ADH7: variants seen among roughly 807,000 people sequenced by gnomAD.
The protein encoded by ADH7 is alcohol dehydrogenase 7 (class IV), mu or sigma polypeptide, also known as all-trans-retinol dehydrogenase [NAD(+)] ADH7.
A neutral mutation model predicts 34.4 loss-of-function variants in ADH7; 41 were observed. The ratio of observed to expected loss-of-function variants is 1.19; its 90% CI spans 0.93 to 1.55. The LOEUF (loss-of-function observed/expected upper bound fraction) is 1.55. Ranked by LOEUF, ADH7 falls within the 40% of genes most tolerant of loss-of-function variation. The probability of loss-of-function intolerance (pLI) is 0.00; values close to 1 mark genes in which losing one functional copy is unlikely to be tolerated. For synonymous variants in ADH7, 180 were observed against 160.9 expected (o/e 1.12, Z -0.90); for missense variants, 540 against 461.2 (o/e 1.17, Z -1.56).
Position 99,415,922 on chromosome 4 carries a change from T to C in ADH7, c.962-306A>G, listed in dbSNP as rs189863196. ...TCACTCGTAAGTGGGAGTTGAACAA[T>C]GAGAACACATGGACACAGGGAGGGG... On this transcript the variant is annotated intron_variant, in intron 7 of 8. Transcript: ENST00000437033. 1.8e-4 allele frequency: 35 copies of C among 196,436 alleles called. No homozygotes were observed. In the East Asian group the frequency reaches 4.3e-3, roughly 24 times the overall value. The allele number at this position is 196,436 out of a possible 1,614,324, so 12.2% of individuals were successfully genotyped here.
Position 99,413,149 on chromosome 4 carries a change from C to CA in ADH7, c.1123dup (p.Ter375LeufsTer20), listed in dbSNP as rs1560558734. On this transcript the variant is annotated frameshift_variant and stop_lost, in exon 9 of 9. Coordinates refer to ENST00000437033, the MANE Select transcript of ADH7 (RefSeq NM_000673.7). LOFTEE classifies it high-confidence loss of function. ...ACAGACCTCCTGCCACTTTGGATCTCAAAACGTCAGGACCGTTCGAATGCT... is the reference window on the plus strand; with the variant it reads ...ACAGACCTCCTGCCACTTTGGATCTCAAAAACGTCAGGACCGTTCGAATGCT... 2 of 1,613,574 alleles carry CA rather than the reference C, an allele frequency of 1.2e-6. No homozygotes were observed. Among genetic ancestry groups the CA allele is most frequent in the Non-Finnish European group, 1.7e-6 (2 of 1,179,624 alleles).
chr4:99,435,136 C>T (rs2110142934), intron 1 of ADH7, 80 bp downstream of exon 1: 1 of 1,568,126 alleles, frequency 6.4e-7, no homozygotes, highest in South Asian at 1.2e-5. Flanking sequence ...TGTTTAATTA[C>T]TTTAATGGAT....
At chr4:99,431,768 G>A (rs1424674612) in intron 1 of ADH7, among the ~76,000 whole-genome samples, 2 of 152,122 alleles carry the variant, frequency 1.3e-5, no homozygotes, top group Non-Finnish European at 2.9e-5. Context: ...AAACCACAAT[G>A]AGGTACTATC....
chr4:99,417,685 C>A (rs983325198), intron 7 of ADH7, among the ~76,000 whole-genome samples: 2 of 152,118 alleles, frequency 1.3e-5, no homozygotes, highest in Admixed American at 1.3e-4. Context: ...TGTCTCTTCT[C>A]CGTTCCTAGC....
chr4:99,424,848 C>A (rs1721762277), intron 5 of ADH7, among the ~76,000 whole-genome samples: 1 of 152,024 alleles, frequency 6.6e-6, no homozygotes, highest in South Asian at 2.1e-4. Context: ...TCCTCTTTTC[C>A]TAATTGAATA....
intron 8 of ADH7, among the ~76,000 whole-genome samples, chr4:99,414,548 C>T (rs968288148): frequency 6.6e-6 from 1 of 152,128 alleles, no homozygotes; most frequent in Non-Finnish European, 1.5e-5. Flanking sequence ...CCTTGCCCAA[C>T]CCTCAGAAGC....
chr4:99,422,424 G>A (rs1435183707), intron 5 of ADH7, among the ~76,000 whole-genome samples: 1 of 152,074 alleles, frequency 6.6e-6, no homozygotes, highest in African/African-American at 2.4e-5. Context: ...AACACCACAT[G>A]TTCTCACTCA....
At chr4:99,434,969 A>C in intron 1 of ADH7, 1 of 1,372,550 alleles carries the variant, frequency 7.3e-7, no homozygotes, top group East Asian at 2.5e-5. Context: ...AATATAAATC[A>C]ATTTCTCTAT....
intron 5 of ADH7, among the ~76,000 whole-genome samples, chr4:99,421,798 T>C (rs186184901): frequency 1.3e-5 from 2 of 151,892 alleles, no homozygotes; most frequent in Non-Finnish European, 2.9e-5. Flanking sequence ...CTTAAACAAA[T>C]ATACAAGAAA....
chr4:99,432,893 T>C (rs1025522869), intron 1 of ADH7, among the ~76,000 whole-genome samples: 1 of 152,216 alleles, frequency 6.6e-6, no homozygotes, highest in Non-Finnish European at 1.5e-5. Context: ...GCCCAGATTG[T>C]ACTCTAGTTC....
chr4:99,427,883 C>T lies in ADH7; in HGVS notation c.454G>A (p.Val152Met). 3 of 1,613,912 alleles carry T rather than the reference C, an allele frequency of 1.9e-6. No individual in the cohort carries two copies. In the South Asian group the frequency reaches 3.3e-5, roughly 18 times the overall value. The change falls in exon 5 of 9, where the codon GTG becomes ATG. Residue 152 changes from valine to methionine, a missense_variant. Transcript: ENST00000437033. The part of the protein sequence containing the change: ...NTSTFTEYTV[V>M]DESSVAKIDD... ...ATCTTAGCAACAGAAGATTCATCCA[C>T]CACTGTGTACTCGGTAAATGTACTG... is the stretch of plus-strand genomic sequence containing the variant.
rs766657305 is a variant in ADH7, at chr4:99,420,663, G to A, written c.695C>T (p.Ala232Val). 6 of 1,613,792 alleles carry A rather than the reference G, an allele frequency of 3.7e-6. No individual in the cohort carries two copies. Among genetic ancestry groups the A allele is most frequent in the Admixed American group, 1.7e-5 (1 of 59,924 alleles). The change falls in exon 6 of 9, where the codon GCC (alanine) becomes GTC (valine). Residue 232 changes from alanine to valine, a missense_variant. Transcript: ENST00000437033. Reference sequence around the variant, plus strand: ...ACACTCAGTGGCACCTACAGCCATGGCCTTCTCAAATTTGTCTTTGTTGAG... The same window carrying A: ...ACACTCAGTGGCACCTACAGCCATGACCTTCTCAAATTTGTCTTTGTTGAG... ...IDLNKDKFEK[A>V]MAVGATECIS... is the part of the protein sequence containing the mutation.
At chr4:99,421,941 A>C (rs2110135786) in intron 5 of ADH7, among the ~76,000 whole-genome samples, 1 of 152,384 alleles carries the variant, frequency 6.6e-6, no homozygotes, top group Non-Finnish European at 1.5e-5. Context: ...GCAAATCAAA[A>C]CCACCGTGTG....
chr4:99,425,472 C>T (rs190231016), intron 5 of ADH7, among the ~76,000 whole-genome samples: 181 of 152,278 alleles, frequency 1.2e-3, no homozygotes, highest in African/African-American at 4.1e-3. Context: ...AAGGCCATTA[C>T]ATAGTGGTAA....
Position 99,412,654 on chromosome 4 carries a change from A to G in ADH7, c.*494T>C, listed in dbSNP as rs1721433318. The G allele has an allele frequency of 6.6e-6, 1 of 152,324 alleles. No individual in the cohort carries two copies. The highest frequency in any genetic ancestry group is 2.1e-4 in the South Asian group (1 of 4,842). The allele number at this position is 152,324 out of a possible 1,614,324, so 9.4% of individuals were successfully genotyped here. On this transcript the variant is annotated 3_prime_UTR_variant, in exon 9 of 9. Transcript: ENST00000437033. ...TTCTTAATCTAATCCAGTAATATGC[A>G]TCATGGAATGAACTGATTTCAAAAT...
chr4:99,423,684 AAG>A (rs1289111769), intron 5 of ADH7, among the ~76,000 whole-genome samples: 1 of 152,144 alleles, frequency 6.6e-6, no homozygotes, highest in Non-Finnish European at 1.5e-5. Flanking sequence ...TTCTTTTCAG[AAG>A]TGTCTGTTCC....
At chr4:99,415,220 G>A in intron 8 of ADH7, 1 of 365,402 alleles carries the variant, frequency 2.7e-6, no homozygotes, top group Non-Finnish European at 5.0e-6. Flanking sequence ...TAAGTTTCCT[G>A]AAGCCCCCAG....
At position 99,425,510 on chromosome 4, in the gene ADH7, C is replaced by G. The variant is rs1721779174; in HGVS notation, c.564+2263G>C. Among the ~76,000 whole-genome samples, 4 of 152,286 alleles carry G rather than the reference C, an allele frequency of 2.6e-5. No homozygotes were observed. In the Middle Eastern group the frequency reaches 0.014, roughly 518 times the overall value. ...GGATCAATTCAACAAGAAGAGCTAA[C>G]TAACCTAAATATATATGCACCCAAT... On this transcript the variant is annotated intron_variant, in intron 5 of 8. Coordinates refer to ENST00000437033, the MANE Select transcript of ADH7 (RefSeq NM_000673.7).
chr4:99,415,627 GC>G lies in ADH7; in HGVS notation c.962-12del, dbSNP rs1387334681. ...CTCTGCTTTTCAAACCTGCAAATAA[GC>G]ACACATTTTCTCTTTAGACATTACT... On this transcript the variant is annotated splice_polypyrimidine_tract_variant and intron_variant, in intron 7 of 8. Transcript: ENST00000437033. 6.2e-7 allele frequency: 1 copy of G among 1,610,414 alleles called. No homozygotes were observed. Among genetic ancestry groups the G allele is most frequent in the African/African-American group, 1.3e-5 (1 of 74,820 alleles).
Sources: gnomAD v4.1 joint callset for allele counts (sites outside exome capture counted in the v4.1 genomes callset) on GRCh38, gnomAD v4.1.1 for gene constraint, MANE v1.5 for transcripts, NCBI Gene and HGNC (gene_info 2026-07-23, HGNC 2026-07-21) for gene names.